Variants in ACER3 observed in about 807,000 individuals in gnomAD.
ACER3 encodes the protein alkaline ceramidase 3.
ACER3 carries 16 observed loss-of-function variants against 48.9 expected under a neutral mutation model. That is an observed-to-expected ratio of 0.33 (90% CI 0.22 to 0.50). ACER3 has a LOEUF of 0.50. ACER3 is among the 20% of genes least tolerant of loss of function. The pLI is 0.98. For synonymous variants in ACER3, 109 were observed against 107.8 expected, an observed-to-expected ratio of 1.01 and a Z score of -0.07; for missense variants, 227 against 326.0, an observed-to-expected ratio of 0.70 and a Z score of 2.34.
At chr11:76,933,932 G>A (rs185241743) in intron 2 of ACER3, among the ~76,000 whole-genome samples, 4 of 152,098 alleles carry the variant, frequency 2.6e-5, no homozygotes, top group Non-Finnish European at 4.4e-5. Context: ...CTTCTTAGTC[G>A]GGGCGGCCGG....
intron 1 of ACER3, among the ~76,000 whole-genome samples, chr11:76,920,634 C>CT (rs11320505): frequency 0.067 from 8,909 of 132,786 alleles, 340 homozygotes; most frequent in Middle Eastern, 0.11. Context: ...GAACTCTTGA[C>CT]TTTTTTTTTT....
chr11:76,997,348 CTATAT>C (rs1181936815), intron 6 of ACER3, among the ~76,000 whole-genome samples: 2 of 152,068 alleles, frequency 1.3e-5, no homozygotes, highest in Non-Finnish European at 2.9e-5. Context: ...AGTTATAATA[CTATAT>C]TATAATTGCC....
chr11:76,916,661 A>T (rs544070440), intron 1 of ACER3, among the ~76,000 whole-genome samples: 1 of 152,336 alleles, frequency 6.6e-6, no homozygotes, highest in South Asian at 2.1e-4. Flanking sequence ...AGGGATTATC[A>T]AAATAACCAT....
At chr11:77,010,373 A>C (rs1265588541) in intron 7 of ACER3, among the ~76,000 whole-genome samples, 3 of 151,676 alleles carry the variant, frequency 2.0e-5, no homozygotes, top group African/African-American at 7.3e-5. Flanking sequence ...TTATAAAATG[A>C]AAAGCTGAAT....
At chr11:76,913,159 G>A (rs185820465) in intron 1 of ACER3, among the ~76,000 whole-genome samples, 6 of 151,980 alleles carry the variant, frequency 3.9e-5, no homozygotes, top group African/African-American at 1.5e-4. Flanking sequence ...CTCATGATTT[G>A]GCTCTCTGTT....
At chr11:76,890,913 A>G (rs1945787168) in intron 1 of ACER3, among the ~76,000 whole-genome samples, 2 of 152,080 alleles carry the variant, frequency 1.3e-5, no homozygotes, top group African/African-American at 2.4e-5. Context: ...TGAGGTCAGG[A>G]GTTCGAGACC....
intron 1 of ACER3, among the ~76,000 whole-genome samples, chr11:76,867,636 G>A (rs1046558720): frequency 2.0e-5 from 3 of 151,886 alleles, no homozygotes; most frequent in Non-Finnish European, 4.4e-5. Context: ...TTATGATGAA[G>A]GGTTTATTTA....
At chr11:76,957,438 T>TG (rs1947870152) in intron 2 of ACER3, 1 of 451,960 alleles carries the variant, frequency 2.2e-6, no homozygotes, top group Non-Finnish European at 4.4e-6. Flanking sequence ...TTTTAACTTT[T>TG]TGTGTGTGTG....
At chr11:76,919,503 G>A (rs1022505266) in intron 1 of ACER3, among the ~76,000 whole-genome samples, 8 of 151,932 alleles carry the variant, frequency 5.3e-5, no homozygotes, top group Non-Finnish European at 1.2e-4. Context: ...ATGTGTTTGG[G>A]GGTATAAAAA....
At chr11:77,020,024 A>C (rs782108154) in intron 10 of ACER3, among the ~76,000 whole-genome samples, 8 of 152,216 alleles carry the variant, frequency 5.3e-5, no homozygotes, top group Non-Finnish European at 8.8e-5. Flanking sequence ...GATCAGAGAT[A>C]ATTTATATGC....
intron 5 of ACER3, among the ~76,000 whole-genome samples, chr11:76,986,856 A>G (rs549031598): frequency 2.6e-5 from 4 of 152,236 alleles, no homozygotes; most frequent in Admixed American, 2.6e-4. Flanking sequence ...CCTTGAGGTC[A>G]GGAGTTCATG....
At chr11:76,926,849 T>C (rs552250722) in intron 2 of ACER3, among the ~76,000 whole-genome samples, 182 bp downstream of exon 2, 1 of 152,338 alleles carries the variant, frequency 6.6e-6, no homozygotes, top group South Asian at 2.1e-4. Context: ...TAAAATGTTT[T>C]AGAAATTACA....
intron 4 of ACER3, among the ~76,000 whole-genome samples, chr11:76,980,614 T>C (rs1948563425): frequency 6.6e-6 from 1 of 152,008 alleles, no homozygotes; most frequent in African/African-American, 2.4e-5. Context: ...GAGGTTGAGG[T>C]TGCAATGAGC....
chr11:76,861,014 C>T lies in ACER3; in HGVS notation c.38C>T (p.Pro13Leu), dbSNP rs1944923001. 1 of 1,547,002 alleles carries T rather than the reference C, an allele frequency of 6.5e-7. No homozygotes were observed. Among genetic ancestry groups the T allele is most frequent in the Non-Finnish European group, 8.7e-7 (1 of 1,146,034 alleles). ...GCGGACCGAGAGGGCTACTGGGGCC[C>T]CACGACCTCCACGCTGGACTGGTGC... The part of the protein sequence containing the change: ...PAADREGYWG[P>L]TTSTLDWCEE... The change falls in exon 1 of 11, where the codon CCC becomes CTC. Residue 13 changes from proline to leucine, a missense_variant. Transcript: ENST00000532485.
At chr11:76,895,560 A>G (rs1278501717) in intron 1 of ACER3, among the ~76,000 whole-genome samples, 1 of 152,204 alleles carries the variant, frequency 6.6e-6, no homozygotes. Context: ...TCTGCTTCTG[A>G]TGCTTACTGT....
At chr11:76,935,378 A>T (rs1018572687) in intron 2 of ACER3, among the ~76,000 whole-genome samples, 1 of 152,202 alleles carries the variant, frequency 6.6e-6, no homozygotes, top group African/African-American at 2.4e-5. Context: ...TTTAATATGT[A>T]TATTGAAAGG....
At chr11:76,946,158 T>C (rs2134949955) in intron 2 of ACER3, among the ~76,000 whole-genome samples, 1 of 152,266 alleles carries the variant, frequency 6.6e-6, no homozygotes, top group Non-Finnish European at 1.5e-5. Context: ...GTGGGTATTA[T>C]CCTTGGTACA....
intron 9 of ACER3, among the ~76,000 whole-genome samples, chr11:77,019,139 T>A (rs1438267315): frequency 6.6e-6 from 1 of 152,196 alleles, no homozygotes; most frequent in Admixed American, 6.5e-5. Context: ...TCATTTTCTA[T>A]TTTGAAAGTC....
chr11:76,881,350 G>T (rs1456763709), intron 1 of ACER3, among the ~76,000 whole-genome samples: 3 of 150,468 alleles, frequency 2.0e-5, no homozygotes, highest in African/African-American at 7.3e-5. Flanking sequence ...GGTTTATATG[G>T]TTTGGTTTGG....
Sources: gnomAD v4.1 joint callset for allele counts (sites outside exome capture counted in the v4.1 genomes callset) on GRCh38, gnomAD v4.1.1 for gene constraint, MANE v1.5 for transcripts, NCBI Gene and HGNC (gene_info 2026-07-23, HGNC 2026-07-21) for gene names.